The following ESAM variants were observed in gnomAD, a reference collection of about 807,000 sequenced individuals.
ESAM encodes endothelial cell-selective adhesion molecule.
In ESAM, 23 loss-of-function variants were observed where a neutral mutation model predicts 31.8. The observed-to-expected ratio is 0.72, with a 90% CI of 0.52 to 1.03. The LOEUF is 1.03. Among genes scored for constraint, ESAM ranks in the 50% least tolerant of loss-of-function variants. The pLI is 0.00. For missense variants in ESAM, 478 were observed against 488.9 expected (o/e 0.98, Z 0.21); for synonymous variants, 216 against 207.2 (o/e 1.04, Z -0.37).
chr11:124,754,791 A>C lies in ESAM; in HGVS notation c.608-28T>G. On this transcript the variant is annotated intron_variant, in intron 4 of 6. Transcript: ENST00000278927. The surrounding 1 kb of genome is among the most constrained non-coding windows in gnomAD (Gnocchi z 4.5). ...GTGGACACAATTTAGCCATCAGTCC[A>C]GGGACCCTCTTTCCCATTAAAAAAA... 1 of 1,570,512 alleles carries C rather than the reference A, an allele frequency of 6.4e-7. No homozygotes were observed. Among genetic ancestry groups the C allele is most frequent in the Non-Finnish European group, 8.6e-7 (1 of 1,163,728 alleles).
At chr11:124,758,723 C>G (rs7928640) in intron 1 of ESAM, among the ~76,000 whole-genome samples, 196 bp from the exon 2 acceptor site, 1 of 152,112 alleles carries the variant, frequency 6.6e-6, no homozygotes, top group African/African-American at 2.4e-5. Context: ...CATTTCATCA[C>G]GACTTCTCTC....
rs748152365 is a variant in ESAM at position 124,753,642 on chromosome 11, G to T, written c.*4C>A. ...AATCCTTTAGCCAATGAGTGGTGGGGTCATCATACCAGAGAGCCAGCTTGA... is the reference window on the plus strand; with the variant it reads ...AATCCTTTAGCCAATGAGTGGTGGGTTCATCATACCAGAGAGCCAGCTTGA... On this transcript the variant is annotated 3_prime_UTR_variant, in exon 7 of 7. Coordinates refer to ENST00000278927, the MANE Select transcript of ESAM (RefSeq NM_138961.3). 4 of 1,613,396 alleles carry T rather than the reference G, an allele frequency of 2.5e-6. No individual in the cohort carries two copies. The East Asian group carries it at 6.7e-5, about 27-fold the overall frequency.
chr11:124,755,259 G>T (rs576697640), intron 4 of ESAM, among the ~76,000 whole-genome samples: 2 of 152,256 alleles, frequency 1.3e-5, no homozygotes, highest in Non-Finnish European at 2.9e-5. Flanking sequence ...GAATGTTTAG[G>T]GGGGAGGGAT....
At position 124,754,255 on chromosome 11, in the gene ESAM, G is replaced by A. The variant is rs774412651; in HGVS notation, c.816C>T (p.His272=). Residue 272 remains histidine, a synonymous_variant, in exon 6 of 7, where the codon CAC becomes CAT. Coordinates refer to ENST00000278927, the MANE Select transcript of ESAM (RefSeq NM_138961.3). This position sits in a 1 kb window ranked among gnomAD's most constrained non-coding sequence, Gnocchi z 4.5. ...GCTCCTCCAGGGCCTTGCCCCGGCG[G>A]TGGTACAAGAGGACCAGCCCAGCCA... ...GLLAGLVLLY[H]RRGKALEEPA... 4 of 1,613,992 alleles carry A rather than the reference G, an allele frequency of 2.5e-6. No homozygotes were observed. The highest frequency in any genetic ancestry group is 3.4e-6 in the Non-Finnish European group (4 of 1,179,978).
chr11:124,754,737 T>A lies in ESAM; in HGVS notation c.634A>T (p.Thr212Ser). Residue 212 changes from threonine to serine, a missense_variant, in exon 5 of 7, where the codon ACC (threonine) becomes TCC (serine). Physicochemically the swap from Thr to Ser is moderately conservative, Grantham distance 58. Transcript: ENST00000278927. The surrounding 1 kb of genome is among the most constrained non-coding windows in gnomAD (Gnocchi z 4.5). ...LDVIRGSLSL[T>S]NLSSSMAGVY... The stretch of plus-strand genomic sequence containing the variant: ...CCAGCCATGGAAGACGAAAGGTTGG[T>A]GAGGCTTAAAGACCCACGGATGACA... The A allele has an allele frequency of 1.9e-6, 3 of 1,613,892 alleles. No individual in the cohort carries two copies. Among genetic ancestry groups the A allele is most frequent in the Non-Finnish European group, 2.5e-6 (3 of 1,179,970 alleles).
chr11:124,756,431 C>T, intron 3 of ESAM, 69 bp from the exon 4 acceptor site: 2 of 1,578,458 alleles, frequency 1.3e-6, no homozygotes, highest in Non-Finnish European at 1.7e-6. Context: ...TGCCCTGCAC[C>T]CTTCTGTCGC....
At chr11:124,756,890 T>G (rs1286919130) in intron 2 of ESAM, 148 bp from the exon 3 acceptor site, 1 of 798,012 alleles carries the variant, frequency 1.3e-6, no homozygotes, top group Non-Finnish European at 2.0e-6. Flanking sequence ...CCCATTCACC[T>G]TTTGTCCCTA....
At chr11:124,757,991 G>A (rs922515255) in intron 2 of ESAM, among the ~76,000 whole-genome samples, 3 of 152,172 alleles carry the variant, frequency 2.0e-5, no homozygotes, top group Non-Finnish European at 4.4e-5. Flanking sequence ...GAGTCACTGA[G>A]TCAGGCCAGA....
Position 124,754,425 on chromosome 11 carries a change from C to T in ESAM, c.731-85G>A. ...ATCCCACTCTCCCCACCCCATCTGCCACCATACACATTCCCTCTTTTTCCC... is the reference window on the plus strand; with the variant it reads ...ATCCCACTCTCCCCACCCCATCTGCTACCATACACATTCCCTCTTTTTCCC... On this transcript the variant is annotated intron_variant, in intron 5 of 6. Coordinates refer to ENST00000278927, the MANE Select transcript of ESAM (RefSeq NM_138961.3). The surrounding 1 kb of genome is among the most constrained non-coding windows in gnomAD (Gnocchi z 4.5). 1 of 1,543,188 alleles carries T rather than the reference C, an allele frequency of 6.5e-7. No homozygotes were observed. Among genetic ancestry groups the T allele is most frequent in the Non-Finnish European group, 8.7e-7 (1 of 1,144,420 alleles).
At position 124,754,650 on chromosome 11, in the gene ESAM, C is replaced by G; in HGVS notation, c.721G>C (p.Val241Leu). 1 of 1,613,360 alleles carries G rather than the reference C, an allele frequency of 6.2e-7. No homozygotes were observed. Among genetic ancestry groups the G allele is most frequent in the Non-Finnish European group, 8.5e-7 (1 of 1,179,758 alleles). Reference sequence around the variant, plus strand: ...CTTACCCCTCACTGACCTGTGCTCACTTCCAGCGTCACATTACATTGGGCA... The same window carrying G: ...CTTACCCCTCACTGACCTGTGCTCAGTTCCAGCGTCACATTACATTGGGCA... ...GTAQCNVTLE[V>L]STGPGAAVVA... The change falls in exon 5 of 7, where the codon GTG becomes CTG. Residue 241 changes from valine (V) to leucine (L), a missense_variant. Coordinates refer to ENST00000278927, the MANE Select transcript of ESAM (RefSeq NM_138961.3). The surrounding 1 kb of genome is among the most constrained non-coding windows in gnomAD (Gnocchi z 4.5).
At chr11:124,758,638 G>A in intron 1 of ESAM, 111 bp from the exon 2 acceptor site, 1 of 1,314,332 alleles carries the variant, frequency 7.6e-7, no homozygotes. Flanking sequence ...TAACTGGAAA[G>A]AGGAACCTTG....
chr11:124,758,262 C>A, intron 2 of ESAM, 87 bp downstream of exon 2: 1 of 1,527,094 alleles, frequency 6.5e-7, no homozygotes. Context: ...CCCATTCCCT[C>A]TCCACCCCTC....
rs1044669337 is a variant in ESAM, at chr11:124,759,590, C to T, written c.71-1063G>A. Among the ~76,000 whole-genome samples, 3 of 152,356 alleles carry T rather than the reference C, an allele frequency of 2.0e-5. No individual in the cohort carries two copies. Among genetic ancestry groups the T allele is most frequent in the Admixed American group, 1.3e-4 (2 of 15,310 alleles). On this transcript the variant is annotated intron_variant, in intron 1 of 6. Transcript: ENST00000278927. The surrounding 1 kb of genome is among the most constrained non-coding windows in gnomAD (Gnocchi z 6.8). Reference sequence around the variant, plus strand: ...CGCGGGAAGAGGCCGCAGCCAGGCCCCGCTCTCCACCCTCGCCCTAGGAGA... The same window carrying T: ...CGCGGGAAGAGGCCGCAGCCAGGCCTCGCTCTCCACCCTCGCCCTAGGAGA...
At position 124,753,875 on chromosome 11, in the gene ESAM, G is replaced by T; in HGVS notation, c.944C>A (p.Ser315Tyr). ...SKNGTLSSVT[S>Y]ARALRPPHGP... is the part of the protein sequence containing the mutation. ...ATGGGGTGGCCGGAGGGCTCGTGCG[G>T]AGGTGACAGAGGAAAGGGTCCCATT... Residue 315 changes from serine to tyrosine, a missense_variant, in exon 7 of 7, where the codon TCC becomes TAC. Ser to Tyr is a moderately radical substitution (Grantham distance 144). Coordinates refer to ENST00000278927, the MANE Select transcript of ESAM (RefSeq NM_138961.3). The T allele has an allele frequency of 1.2e-6, 2 of 1,614,128 alleles. No individual in the cohort carries two copies. The highest frequency in any genetic ancestry group is 1.7e-6 in the Non-Finnish European group (2 of 1,180,018).
Position 124,753,520 on chromosome 11 carries a change from G to C in ESAM, c.*126C>G. 1.0e-6 allele frequency: 1 copy of C among 984,980 alleles called. No individual in the cohort carries two copies. Among genetic ancestry groups the C allele is most frequent in the Non-Finnish European group, 1.5e-6 (1 of 675,142 alleles). 61.0% of individuals were successfully genotyped at this position (984,980 alleles called of 1,614,324 possible). ...TGAGATGGTTTTCCCACAGTAAAGAGAGGTGGGGGCAGAGTACTAAGGGTC... is the reference window on the plus strand; with the variant it reads ...TGAGATGGTTTTCCCACAGTAAAGACAGGTGGGGGCAGAGTACTAAGGGTC... On this transcript the variant is annotated 3_prime_UTR_variant, in exon 7 of 7. Coordinates refer to ENST00000278927, the MANE Select transcript of ESAM (RefSeq NM_138961.3).
intron 6 of ESAM, 36 bp from the exon 7 acceptor site, chr11:124,753,997 GGT>G: frequency 6.2e-7 from 1 of 1,605,528 alleles, no homozygotes; most frequent in African/African-American, 1.3e-5. Flanking sequence ...GTCAGAAGTG[GGT>G]GGGGGAAGGA....
rs753751086 is a variant in ESAM, at chr11:124,762,067, G to A, written c.70+18C>T. 3 of 1,608,686 alleles carry A rather than the reference G, an allele frequency of 1.9e-6. No homozygotes were observed. Among genetic ancestry groups the A allele is most frequent in the Non-Finnish European group, 2.5e-6 (3 of 1,177,342 alleles). On this transcript the variant is annotated intron_variant, in intron 1 of 6. Coordinates refer to ENST00000278927, the MANE Select transcript of ESAM (RefSeq NM_138961.3). This position sits in a 1 kb window ranked among gnomAD's most constrained non-coding sequence, Gnocchi z 6.4. Reference sequence around the variant, plus strand: ...CATCCCGCATCCCAAGTCCCCTCCAGGTCCGGGTTTCACTCACCGAGGGCA... The same window carrying A: ...CATCCCGCATCCCAAGTCCCCTCCAAGTCCGGGTTTCACTCACCGAGGGCA...
intron 1 of ESAM, among the ~76,000 whole-genome samples, chr11:124,760,628 G>A (rs573699002): frequency 2.0e-5 from 3 of 152,228 alleles, no homozygotes; most frequent in Non-Finnish European, 2.9e-5. Flanking sequence ...AGTGGCTGGC[G>A]GGAACTGGGC....
chr11:124,754,506 T>C lies in ESAM; in HGVS notation c.730+135A>G. On this transcript the variant is annotated intron_variant, in intron 5 of 6. Coordinates refer to ENST00000278927, the MANE Select transcript of ESAM (RefSeq NM_138961.3). This position sits in a 1 kb window ranked among gnomAD's most constrained non-coding sequence, Gnocchi z 4.5. ...AAATGACCAGTCACTGACCAACCAT[T>C]TGTACAAACATTTGATCAGGGGAAG... The C allele has an allele frequency of 6.6e-7, 1 of 1,506,440 alleles. No individual in the cohort carries two copies. The highest frequency in any genetic ancestry group is 8.9e-7 in the Non-Finnish European group (1 of 1,121,384). The allele number at this position is 1,506,440 out of a possible 1,614,324, so 93.3% of individuals were successfully genotyped here.
Sources: allele counts gnomAD v4.1 joint callset (sites outside exome capture counted in the v4.1 genomes callset), GRCh38; gene constraint gnomAD v4.1.1; non-coding constraint Gnocchi (gnomAD v3.1); transcripts MANE v1.5; gene names NCBI Gene and HGNC (gene_info 2026-07-23, HGNC 2026-07-21).